CRX: variants seen among roughly 807,000 people sequenced by gnomAD.
CRX encodes the protein cone-rod homeobox.
In CRX, 5 loss-of-function variants were observed where a neutral mutation model predicts 13.1. That is an observed-to-expected ratio of 0.38 (90% CI 0.20 to 0.80). The LOEUF (loss-of-function observed/expected upper bound fraction) is 0.80, where lower values mean the gene tolerates loss of function less well. Ranked by LOEUF, CRX falls within the 30% of genes least tolerant of loss-of-function variation. CRX has a pLI of 0.43. For missense variants in CRX, 351 were observed against 391.8 expected (o/e 0.90, Z 0.88); for synonymous variants, 179 against 171.1 (o/e 1.05, Z -0.36).
intron 1 of CRX, 64 bp from the exon 2 acceptor site, chr19:47,834,345 C>CT: frequency 1.1e-6 from 1 of 930,918 alleles, no homozygotes; most frequent in Non-Finnish European, 1.8e-6. Context: ...TGAATCGCAG[C>CT]CTGCACGTCA....
chr19:47,837,634 G>A (rs115775952), intron 3 of CRX, among the ~76,000 whole-genome samples: 26,839 of 152,050 alleles, frequency 0.18, 2,620 homozygotes, highest in Non-Finnish European at 0.22. Context: ...TTGTATATTT[G>A]TATGTTTGTA....
chr19:47,838,355 G>A (rs528912269), intron 3 of CRX, among the ~76,000 whole-genome samples: 8 of 152,036 alleles, frequency 5.3e-5, no homozygotes, highest in Non-Finnish European at 1.0e-4. Flanking sequence ...ATGAGTGTAC[G>A]CATGTATATA....
At chr19:47,828,172 T>C (rs1967999975) in intron 1 of CRX, among the ~76,000 whole-genome samples, 1 of 151,870 alleles carries the variant, frequency 6.6e-6, no homozygotes, top group Non-Finnish European at 1.5e-5. Context: ...AAAAATTTTT[T>C]TTTCCTTGTT....
At chr19:47,829,789 C>T (rs1968021715) in intron 1 of CRX, among the ~76,000 whole-genome samples, 1 of 147,440 alleles carries the variant, frequency 6.8e-6, no homozygotes, top group South Asian at 2.2e-4. Context: ...ACCACCATGC[C>T]TGACCAATTT....
At chr19:47,826,830 T>A (rs1967979859) in intron 1 of CRX, among the ~76,000 whole-genome samples, 1 of 152,212 alleles carries the variant, frequency 6.6e-6, no homozygotes, top group Admixed American at 6.5e-5. Context: ...AACTGGATTA[T>A]TCCGGCTCAG....
At chr19:47,835,522 T>A (rs1389066840) in intron 2 of CRX, among the ~76,000 whole-genome samples, 1 of 150,566 alleles carries the variant, frequency 6.6e-6, no homozygotes, top group Non-Finnish European at 1.5e-5. Context: ...GTAGCTGGGA[T>A]TACAGGCGCA....
intron 1 of CRX, among the ~76,000 whole-genome samples, chr19:47,823,461 G>A (rs554267100): frequency 1.3e-4 from 20 of 152,246 alleles, no homozygotes; most frequent in East Asian, 9.7e-4. Flanking sequence ...TAACTGTGCC[G>A]TGGATCCCAG....
chr19:47,832,501 C>T (rs2123736458), intron 1 of CRX, among the ~76,000 whole-genome samples: 1 of 151,130 alleles, frequency 6.6e-6, no homozygotes, highest in South Asian at 2.1e-4. Flanking sequence ...CTTTTCTTTT[C>T]TTTTTTTTGA....
chr19:47,832,268 G>A (rs1288646295), intron 1 of CRX, among the ~76,000 whole-genome samples: 1 of 141,360 alleles, frequency 7.1e-6, no homozygotes, highest in Admixed American at 6.9e-5. Context: ...ACCATGCCCG[G>A]CTAATTTTTG....
chr19:47,828,999 A>C (rs1968011746), intron 1 of CRX, among the ~76,000 whole-genome samples: 1 of 152,036 alleles, frequency 6.6e-6, no homozygotes, highest in African/African-American at 2.4e-5. Flanking sequence ...TCCTTCCCAG[A>C]GGCAGTCACT....
intron 2 of CRX, 106 bp downstream of exon 2, chr19:47,834,649 G>A: frequency 1.2e-6 from 1 of 817,442 alleles, no homozygotes. Flanking sequence ...GGCGACTTCA[G>A]GGCCATACAC....
intron 2 of CRX, among the ~76,000 whole-genome samples, chr19:47,836,017 G>A (rs1028042930): frequency 2.7e-5 from 4 of 150,916 alleles, no homozygotes; most frequent in Non-Finnish European, 4.4e-5. Context: ...TTAGAAGAGG[G>A]AAAAACGACT....
intron 1 of CRX, among the ~76,000 whole-genome samples, chr19:47,831,487 G>T (rs940302331): frequency 6.6e-6 from 1 of 152,046 alleles, no homozygotes; most frequent in Non-Finnish European, 1.5e-5. Context: ...TCACAGGAAC[G>T]TGAACCCTAT....
In CRX at chr19:47,834,390, C is replaced by T. The variant is rs1373761798; in HGVS notation, c.-35-19C>T. On this transcript the variant is annotated intron_variant, in intron 1 of 3. Transcript: ENST00000221996. ...GAGTAACTGGTAAGTGAGTGAGCAT[C>T]CCTCCTCTTCTCTTGCAGGCCCCCT... 40 of 1,333,096 alleles carry T rather than the reference C, an allele frequency of 3.0e-5. No individual in the cohort carries two copies. The highest frequency in any genetic ancestry group is 4.3e-5 in the Non-Finnish European group (40 of 923,420). The allele number at this position is 1,333,096 out of a possible 1,614,324, so 82.6% of individuals were successfully genotyped here.
Position 47,836,597 on chromosome 19 carries a change from T to A in CRX, c.252+203T>A, listed in dbSNP as rs12985683. ...CGCTCCTCTCCAGCTGCGCTGGCCCTGACCTGCCTGCCAAGCACCCTCCTG... is the reference window on the plus strand; with the variant it reads ...CGCTCCTCTCCAGCTGCGCTGGCCCAGACCTGCCTGCCAAGCACCCTCCTG... On this transcript the variant is annotated intron_variant, in intron 3 of 3. Transcript: ENST00000221996. 0.33 allele frequency among the ~76,000 whole-genome samples: 49,725 copies of A among 152,166 alleles called. 8,703 individuals are homozygous for A. The highest frequency in any genetic ancestry group is 0.4 in the Non-Finnish European group (26,966 of 67,972).
intron 1 of CRX, among the ~76,000 whole-genome samples, chr19:47,832,103 A>ATTTTTTTTTTTTT (rs1968054388): frequency 5.8e-4 from 32 of 55,186 alleles, no homozygotes; most frequent in Non-Finnish European, 9.7e-4. Flanking sequence ...GAGCAGCCTT[A>ATTTTTTTTTTTTT]TGTTTTTTTT....
chr19:47,838,128 T>C (rs952794310), intron 3 of CRX, among the ~76,000 whole-genome samples: 1 of 152,172 alleles, frequency 6.6e-6, no homozygotes, highest in Non-Finnish European at 1.5e-5. Context: ...GTGCCTATAA[T>C]TGTATGTTTG....
chr19:47,828,572 C>T lies in CRX; in HGVS notation c.-35-5837C>T, dbSNP rs78345468. Among the ~76,000 whole-genome samples, 59 of 151,102 alleles carry T rather than the reference C, an allele frequency of 3.9e-4. No individual in the cohort carries two copies. The East Asian group carries it at 9.3e-3, about 24-fold the overall frequency. On this transcript the variant is annotated intron_variant, in intron 1 of 3. Transcript: ENST00000221996. ...TAGATAAACAAACATATAAATATGT[C>T]GTTTAATACAAGCTGTGTCTTGAAG...
chr19:47,831,887 C>T (rs981253744), intron 1 of CRX, among the ~76,000 whole-genome samples: 2 of 151,422 alleles, frequency 1.3e-5, no homozygotes, highest in Non-Finnish European at 2.9e-5. Context: ...GGATTACAGG[C>T]GCCTGCCACC....
Sources: gnomAD v4.1 joint callset for allele counts (sites outside exome capture counted in the v4.1 genomes callset) on GRCh38, gnomAD v4.1.1 for gene constraint, MANE v1.5 for transcripts, NCBI Gene and HGNC (gene_info 2026-07-23, HGNC 2026-07-21) for gene names.